Variants in PCDH10 observed in about 807,000 individuals in gnomAD.
PCDH10 encodes protocadherin 10.
A neutral mutation model predicts 74.4 loss-of-function variants in PCDH10; 15 were observed. The observed-to-expected ratio is 0.20, with a 90% CI of 0.13 to 0.31. The LOEUF is 0.31. PCDH10 is among the 10% of genes least tolerant of loss of function. The probability of loss-of-function intolerance (pLI) is 1.00; values close to 1 mark genes in which losing one functional copy is unlikely to be tolerated. For missense variants in PCDH10, 1,260 were observed against 1,390.2 expected, an observed-to-expected ratio of 0.91 and a Z score of 1.49; for synonymous variants, 619 against 589.8, an observed-to-expected ratio of 1.05 and a Z score of -0.72.
intron 2 of PCDH10, among the ~76,000 whole-genome samples, chr4:133,202,028 G>A (rs563779705): frequency 6.6e-6 from 1 of 152,002 alleles, no homozygotes; most frequent in Non-Finnish European, 1.5e-5. Context: ...CTTAATTTTA[G>A]ACCCCCATTA....
chr4:133,189,091 A>T (rs1210741821), intron 4 of PCDH10, among the ~76,000 whole-genome samples: 2 of 152,150 alleles, frequency 1.3e-5, no homozygotes, highest in Non-Finnish European at 2.9e-5. Flanking sequence ...ATAATTAGAT[A>T]GTCTTGAAAT....
chr4:133,204,284 G>T (rs185884750), intron 2 of PCDH10, among the ~76,000 whole-genome samples: 2 of 152,228 alleles, frequency 1.3e-5, no homozygotes, highest in Admixed American at 1.3e-4. Context: ...CTGACAACGT[G>T]TCATCCCATA....
Position 133,194,187 on chromosome 4 carries a change from T to C in PCDH10, c.*4027T>C, listed in dbSNP as rs891596929. The C allele has an allele frequency of 6.6e-6, 1 of 151,920 alleles. No homozygotes were observed. Among genetic ancestry groups the C allele is most frequent in the Non-Finnish European group, 1.5e-5 (1 of 67,814 alleles). The allele number at this position is 151,920 out of a possible 1,614,324, so 9.4% of individuals were successfully genotyped here. Reference sequence around the variant, plus strand: ...ATGCGTGTATTTCTAATCACTGTTATTTTTTAAGTATTTGTAAAATTAGAA... The same window carrying C: ...ATGCGTGTATTTCTAATCACTGTTACTTTTTAAGTATTTGTAAAATTAGAA... On this transcript the variant is annotated 3_prime_UTR_variant, in exon 5 of 5. Coordinates refer to ENST00000264360, the MANE Select transcript of PCDH10 (RefSeq NM_032961.3).
In PCDH10 at chr4:133,150,854, C is replaced by T. The variant is rs1267187518; in HGVS notation, c.714C>T (p.Ile238=). Residue 238 remains isoleucine, a synonymous_variant, in exon 1 of 5, where the codon ATC becomes ATT. Transcript: ENST00000264360. ...GCACCGGCACGGCCCTACTCACCAT[C>T]CGAGTGCTGGACTCCAATGACAATG... ...QQRTGTALLT[I]RVLDSNDNVP... 2 of 1,604,950 alleles carry T rather than the reference C, an allele frequency of 1.2e-6. No individual in the cohort carries two copies. The highest frequency in any genetic ancestry group is 2.7e-5 in the African/African-American group (2 of 74,880).
downstream of PCDH10, among the ~76,000 whole-genome samples, chr4:133,195,325 G>A (rs1727773797): frequency 6.6e-6 from 1 of 152,018 alleles, no homozygotes; most frequent in Admixed American, 6.6e-5. Context: ...CAGGGGGAGG[G>A]TGTGGCTAGG....
intron 2 of PCDH10, among the ~76,000 whole-genome samples, chr4:133,203,259 T>C (rs529976196): frequency 8.9e-4 from 136 of 152,328 alleles, no homozygotes; most frequent in South Asian, 3.9e-3. Context: ...CAATTTTATA[T>C]CTTTATTTCA....
At chr4:133,199,409 T>C (rs778593907), downstream of PCDH10, among the ~76,000 whole-genome samples, 2 of 151,170 alleles carry the variant, frequency 1.3e-5, no homozygotes, top group Non-Finnish European at 2.9e-5. Context: ...TGTGAATCTC[T>C]AGGTAAGGAA....
intron 4 of PCDH10, among the ~76,000 whole-genome samples, chr4:133,168,857 ATTCTT>A (rs773839851): frequency 6.6e-6 from 1 of 151,666 alleles, no homozygotes; most frequent in Non-Finnish European, 1.5e-5. Context: ...AGCAAACTTT[ATTCTT>A]TTCTTCTAAT....
intron 4 of PCDH10, among the ~76,000 whole-genome samples, chr4:133,179,878 A>T (rs1323717940): frequency 6.6e-6 from 1 of 152,010 alleles, no homozygotes; most frequent in Admixed American, 6.6e-5. Flanking sequence ...ATGAGGTGCA[A>T]ATCTTTTTTC....
In PCDH10 at chr4:133,151,105, C is replaced by T. The variant is rs1726675336; in HGVS notation, c.965C>T (p.Pro322Leu). The T allele has an allele frequency of 6.2e-7, 1 of 1,614,006 alleles. No homozygotes were observed. Among genetic ancestry groups the T allele is most frequent in the African/African-American group, 1.3e-5 (1 of 74,944 alleles). Reference sequence around the variant, plus strand: ...GGCGAGTTGGACTATGAAGAGAGCCCAGTGTACCAAGTGTACGTGCAAGCC... The same window carrying T: ...GGCGAGTTGGACTATGAAGAGAGCCTAGTGTACCAAGTGTACGTGCAAGCC... ...VSGELDYEESPVYQVYVQAKD... is the reference protein window; with the variant it reads ...VSGELDYEESLVYQVYVQAKD... The change falls in exon 1 of 5, where the codon CCA becomes CTA. Residue 322 changes from proline (P) to leucine (L), a missense_variant. Around this residue, in one of 11 missense-constraint regions of PCDH10, gnomAD observed 192 missense variants for 161.2 expected, o/e 1.19. Transcript: ENST00000264360.
At chr4:133,181,266 A>G (rs1428277156) in intron 4 of PCDH10, among the ~76,000 whole-genome samples, 1 of 152,076 alleles carries the variant, frequency 6.6e-6, no homozygotes, top group Non-Finnish European at 1.5e-5. Flanking sequence ...TTAACTAAAA[A>G]TTTATATTCT....
intron 1 of PCDH10, chr4:133,152,999 A>G: frequency 2.1e-6 from 3 of 1,438,810 alleles, no homozygotes; most frequent in Non-Finnish European, 2.7e-6. Flanking sequence ...TCCCCTTGGT[A>G]CTTTGCCACC....
At chr4:133,208,148 T>C (rs1056715415) in exon 3 of PCDH10, 1 of 152,114 alleles carries the variant, frequency 6.6e-6, no homozygotes, top group Non-Finnish European at 1.5e-5. Context: ...ACCACATGAG[T>C]GAGCTTGGAA....
downstream of PCDH10, among the ~76,000 whole-genome samples, chr4:133,195,877 G>A (rs571825120): frequency 1.3e-5 from 2 of 152,154 alleles, no homozygotes; most frequent in South Asian, 4.1e-4. Flanking sequence ...ATTTCTTACT[G>A]TGAATCACTC....
chr4:133,204,646 A>G (rs901741553), intron 2 of PCDH10, among the ~76,000 whole-genome samples: 1 of 152,222 alleles, frequency 6.6e-6, no homozygotes, highest in South Asian at 2.1e-4. Flanking sequence ...CCTTCCCAGT[A>G]TCATGAAACC....
chr4:133,198,732 T>C (rs1425740161), downstream of PCDH10, among the ~76,000 whole-genome samples: 1 of 152,226 alleles, frequency 6.6e-6, no homozygotes, highest in African/African-American at 2.4e-5. Flanking sequence ...TCAAGCTATA[T>C]GATAAGGCTA....
downstream of PCDH10, among the ~76,000 whole-genome samples, chr4:133,198,840 AT>A (rs1056247905): frequency 3.3e-5 from 5 of 151,966 alleles, no homozygotes; most frequent in South Asian, 2.1e-4. Flanking sequence ...ATATTAGGTG[AT>A]TTTTTTTAGT....
In PCDH10 at chr4:133,150,812, G is replaced by T; in HGVS notation, c.672G>T (p.Leu224=). The T allele has an allele frequency of 6.3e-7, 1 of 1,585,776 alleles. No individual in the cohort carries two copies. Among genetic ancestry groups the T allele is most frequent in the Non-Finnish European group, 8.6e-7 (1 of 1,167,724 alleles). Residue 224 remains leucine (L), a synonymous_variant, in exon 1 of 5, where the codon CTG becomes CTT. Coordinates refer to ENST00000264360, the MANE Select transcript of PCDH10 (RefSeq NM_032961.3). ...GGGGAGGTGGCGGGGGAGCAGGCCT[G>T]CCCCCCCAGCAGCAGCGCACCGGCA... ...EGGGGGGGAG[L]PPQQQRTGTA...
At chr4:133,198,640 T>G (rs1039995433), downstream of PCDH10, among the ~76,000 whole-genome samples, 1 of 152,146 alleles carries the variant, frequency 6.6e-6, no homozygotes, top group Admixed American at 6.5e-5. Flanking sequence ...GGTGTACTTA[T>G]AACTTTAGAA....
Sources: gnomAD v4.1 joint callset for allele counts (sites outside exome capture counted in the v4.1 genomes callset) on GRCh38, gnomAD v4.1.1 for gene constraint, gnomAD v4.1.1 regional missense constraint, MANE v1.5 for transcripts, NCBI Gene and HGNC (gene_info 2026-07-23, HGNC 2026-07-21) for gene names.